The following PSEN1 variants were observed in gnomAD, a reference collection of about 807,000 sequenced individuals.
PSEN1 encodes presenilin 1.
In PSEN1, 15 loss-of-function variants were observed where a neutral mutation model predicts 53.5. The ratio of observed to expected loss-of-function variants is 0.28; its 90% CI spans 0.19 to 0.43. The LOEUF is 0.43. Ranked by LOEUF, PSEN1 falls within the 20% of genes least tolerant of loss-of-function variation. PSEN1 has a pLI of 1.00. For synonymous variants in PSEN1, 208 were observed against 209.8 expected (o/e 0.99, Z 0.08); for missense variants, 387 against 571.2 (o/e 0.68, Z 3.29).
At chr14:73,168,835 C>G (rs763051015) in intron 3 of PSEN1, 1 of 152,316 alleles carries the variant, frequency 6.6e-6, no homozygotes, top group Non-Finnish European at 1.5e-5. Flanking sequence ...CTGGCCATCC[C>G]CGAATGGCCG....
chr14:73,161,965 G>A (rs1045490087), intron 3 of PSEN1, among the ~76,000 whole-genome samples: 3 of 145,886 alleles, frequency 2.1e-5, no homozygotes, highest in Admixed American at 7.1e-5. Context: ...GACCAGCCTG[G>A]CTAACATGGC....
At position 73,179,762 on chromosome 14, in the gene PSEN1, GA is replaced by G. The variant is rs1298981867; in HGVS notation, c.480+6062del. On this transcript the variant is annotated intron_variant, in intron 5 of 11. Transcript: ENST00000324501. Reference sequence around the variant, plus strand: ...CATGTTGTAATGAGCACAGGTGGAGGAAAAAAAGTGGTCAGCTCACTGCTAG... The same window carrying G: ...CATGTTGTAATGAGCACAGGTGGAGGAAAAAAGTGGTCAGCTCACTGCTAG... Among the ~76,000 whole-genome samples, 4 of 152,038 alleles carry G rather than the reference GA, an allele frequency of 2.6e-5. No homozygotes were observed. In the South Asian group the frequency reaches 6.2e-4, roughly 24 times the overall value.
At chr14:73,187,266 A>G (rs896084469) in intron 6 of PSEN1, among the ~76,000 whole-genome samples, 14 of 152,326 alleles carry the variant, frequency 9.2e-5, no homozygotes, top group African/African-American at 2.9e-4. Flanking sequence ...TCATACTTCT[A>G]TATTGTTTTT....
intron 1 of PSEN1, among the ~76,000 whole-genome samples, chr14:73,143,540 A>G (rs2140498026): frequency 6.6e-6 from 1 of 152,268 alleles, no homozygotes; most frequent in South Asian, 2.1e-4. Context: ...GGAAGAATAG[A>G]TGTGAAAAGA....
chr14:73,184,639 G>C (rs1225364280), intron 5 of PSEN1, among the ~76,000 whole-genome samples: 3 of 93,208 alleles, frequency 3.2e-5, no homozygotes, highest in Admixed American at 9.7e-5. Context: ...CTGGCCGGGC[G>C]GGGGGCTGAC....
chr14:73,154,099 C>T (rs1300106571), intron 3 of PSEN1, among the ~76,000 whole-genome samples: 3 of 152,018 alleles, frequency 2.0e-5, no homozygotes, highest in South Asian at 2.1e-4. Flanking sequence ...TAATTGAATA[C>T]ATTATAACCA....
chr14:73,180,200 G>A (rs992489339), intron 5 of PSEN1, among the ~76,000 whole-genome samples: 6 of 152,102 alleles, frequency 3.9e-5, no homozygotes, highest in African/African-American at 1.2e-4. Flanking sequence ...GCCCAGGCTG[G>A]TCTCGAACTT....
chr14:73,136,801 C>G (rs1896755962), intron 1 of PSEN1: 1 of 152,584 alleles, frequency 6.6e-6, no homozygotes, highest in African/African-American at 2.4e-5. Flanking sequence ...AGAGAGATTC[C>G]GGGGAGCCTT....
intron 9 of PSEN1, among the ~76,000 whole-genome samples, chr14:73,207,669 A>G (rs61986902): frequency 0.064 from 9,808 of 152,082 alleles, 366 homozygotes; most frequent in Non-Finnish European, 0.089. Context: ...CTAGCCAGAA[A>G]CCTCTGTGGC....
Position 73,211,846 on chromosome 14 carries a change from G to A in PSEN1, c.1033G>A (p.Asp345Asn). 1 of 1,613,380 alleles carries A rather than the reference G, an allele frequency of 6.2e-7. No homozygotes were observed. Residue 345 changes from aspartate to asparagine, a missense_variant, in exon 10 of 12, where the codon GAC becomes AAC. Asp to Asn is a conservative substitution (Grantham distance 23). Around this residue, in one of 4 missense-constraint regions of PSEN1, gnomAD observed 75 missense variants for 63.7 expected, o/e 1.18. Coordinates refer to ENST00000324501, the MANE Select transcript of PSEN1 (RefSeq NM_000021.4). ...GFSEEWEAQR[D>N]SHLGPHRSTP... The stretch of plus-strand genomic sequence containing the variant: ...CAGTGAGGAATGGGAAGCCCAGAGG[G>A]ACAGTCATCTAGGGCCTCATCGCTC...
At chr14:73,138,051 A>C (rs1469408691) in intron 1 of PSEN1, 1 of 151,274 alleles carries the variant, frequency 6.6e-6, no homozygotes, top group East Asian at 1.9e-4. Flanking sequence ...CAGCCTGGGC[A>C]AAAGAGTGAG....
intron 3 of PSEN1, among the ~76,000 whole-genome samples, chr14:73,157,581 T>C (rs1361625558): frequency 6.6e-6 from 1 of 152,208 alleles, no homozygotes; most frequent in African/African-American, 2.4e-5. Context: ...AAAATGTCCA[T>C]TACCTCCAGA....
intron 7 of PSEN1, 61 bp downstream of exon 7, chr14:73,192,925 C>T (rs982405946): frequency 7.9e-7 from 1 of 1,270,706 alleles, no homozygotes; most frequent in East Asian, 2.3e-5. Flanking sequence ...TGTTTTCTTT[C>T]CTCATCTCTT....
intron 4 of PSEN1, among the ~76,000 whole-genome samples, chr14:73,171,566 A>G (rs1210180590): frequency 1.3e-5 from 2 of 152,180 alleles, no homozygotes; most frequent in Non-Finnish European, 2.9e-5. Flanking sequence ...AGGGAGGGGA[A>G]AGGGTTCTTA....
chr14:73,221,067 C>A lies in PSEN1; in HGVS notation c.*1778C>A, dbSNP rs998431705. ...TGTTTAGAATATTTGTTTTCTGTCC[C>A]AGGATATTTCTTATAAGAACCTAAC... On this transcript the variant is annotated 3_prime_UTR_variant, in exon 12 of 12. Coordinates refer to ENST00000324501, the MANE Select transcript of PSEN1 (RefSeq NM_000021.4). 15 of 152,128 alleles carry A rather than the reference C, an allele frequency of 9.9e-5. No homozygotes were observed. The highest frequency in any genetic ancestry group is 3.6e-4 in the African/African-American group (15 of 41,408). The allele number at this position is 152,128 out of a possible 1,614,324, so 9.4% of individuals were successfully genotyped here. A position where few individuals can be genotyped will look rare whatever the true frequency, so the allele number is the denominator to read the frequency against.
intron 7 of PSEN1, among the ~76,000 whole-genome samples, chr14:73,196,395 A>C (rs1898942211): frequency 6.7e-6 from 1 of 148,338 alleles, no homozygotes; most frequent in Non-Finnish European, 1.5e-5. Context: ...ACTATATTAT[A>C]TTATAGTTCT....
chr14:73,149,462 G>A (rs923293421), intron 3 of PSEN1, among the ~76,000 whole-genome samples: 14 of 152,152 alleles, frequency 9.2e-5, no homozygotes, highest in African/African-American at 3.1e-4. Context: ...CGTGAATTCC[G>A]CAGTTGAACT....
At chr14:73,151,878 T>TATATATATA (rs1897233725) in intron 3 of PSEN1, among the ~76,000 whole-genome samples, 7 of 56,930 alleles carry the variant, frequency 1.2e-4, no homozygotes, top group African/African-American at 6.4e-4. Flanking sequence ...CTAAAATATT[T>TATATATATA]TATATATATA....
At chr14:73,190,513 A>G (rs1390087032) in intron 6 of PSEN1, among the ~76,000 whole-genome samples, 2 of 151,940 alleles carry the variant, frequency 1.3e-5, no homozygotes, top group African/African-American at 4.8e-5. Flanking sequence ...AAATTAAAAT[A>G]TGCTATCATT....
Sources: gnomAD v4.1 joint callset for allele counts (sites outside exome capture counted in the v4.1 genomes callset) on GRCh38, gnomAD v4.1.1 for gene constraint, gnomAD v4.1.1 regional missense constraint, MANE v1.5 for transcripts, NCBI Gene and HGNC (gene_info 2026-07-23, HGNC 2026-07-21) for gene names.